Variants in INO80 observed in about 807,000 individuals in gnomAD.
INO80 encodes the protein INO80 complex ATPase subunit.
A neutral mutation model predicts 203.4 loss-of-function variants in INO80; 20 were observed. That is an observed-to-expected ratio of 0.10 (90% confidence interval 0.07 to 0.14). The LOEUF is 0.14. Ranked by LOEUF, INO80 falls within the 10% of genes least tolerant of loss-of-function variation. The pLI is 1.00. For missense variants in INO80, 1,419 were observed against 1,914.4 expected (o/e 0.74, Z 4.83); for synonymous variants, 726 against 685.2 (o/e 1.06, Z -0.93).
intron 1 of INO80, among the ~76,000 whole-genome samples, chr15:41,100,632 G>C (rs867094850): frequency 1.1e-4 from 17 of 152,252 alleles, no homozygotes; most frequent in Middle Eastern, 3.4e-3. Context: ...AAAAGGTGCT[G>C]TAAGCACAAA....
At chr15:41,099,266 A>AAG (rs1412468777) in intron 1 of INO80, among the ~76,000 whole-genome samples, 2 of 122,026 alleles carry the variant, frequency 1.6e-5, no homozygotes, top group Non-Finnish European at 3.5e-5. Context: ...AAAAAAAAAA[A>AAG]ACAAACACAC....
chr15:41,082,873 G>C (rs578063681), intron 7 of INO80, among the ~76,000 whole-genome samples: 1 of 151,980 alleles, frequency 6.6e-6, no homozygotes, highest in East Asian at 1.9e-4. Flanking sequence ...AACAGAACAA[G>C]ACCCTATCTC....
intron 5 of INO80, among the ~76,000 whole-genome samples, chr15:41,090,873 A>T (rs991723976): frequency 6.6e-6 from 1 of 151,408 alleles, no homozygotes; most frequent in Admixed American, 6.6e-5. Flanking sequence ...AGTCTAGTAC[A>T]TCCGAAGTAT....
intron 1 of INO80, among the ~76,000 whole-genome samples, chr15:41,100,826 TTTTC>T (rs1332551986): frequency 2.0e-5 from 3 of 151,538 alleles, no homozygotes; most frequent in African/African-American, 7.3e-5. Context: ...ATTCACAATT[TTTTC>T]TTTTTTTTTT....
At chr15:41,057,452 C>G (rs2045006918) in intron 16 of INO80, among the ~76,000 whole-genome samples, 4 of 135,974 alleles carry the variant, frequency 2.9e-5, no homozygotes, top group Admixed American at 2.3e-4. Flanking sequence ...AAGACCCTAT[C>G]CCCTGTCTCA....
At position 40,987,879 on chromosome 15, in the gene INO80, G is replaced by A; in HGVS notation, c.3666C>T (p.Tyr1222=). The change falls in exon 30 of 36, where the codon TAC becomes TAT. Residue 1222 remains tyrosine (Y), a synonymous_variant. Coordinates refer to ENST00000648947, the MANE Select transcript of INO80 (RefSeq NM_017553.3). ...CAATGGTGCCTTTACAGATGAGCCG[G>A]TACACAGTAACCTGCTTTGTCTGCC... is the stretch of plus-strand genomic sequence containing the variant. The part of the protein sequence containing the change: ...RLGQTKQVTV[Y]RLICKGTIEE... 3 of 1,614,098 alleles carry A rather than the reference G, an allele frequency of 1.9e-6. No homozygotes were observed. Among genetic ancestry groups the A allele is most frequent in the Non-Finnish European group, 2.5e-6 (3 of 1,179,980 alleles).
chr15:41,008,104 G>T (rs893154900), intron 27 of INO80, among the ~76,000 whole-genome samples: 3 of 152,176 alleles, frequency 2.0e-5, no homozygotes, highest in Non-Finnish European at 4.4e-5. Context: ...AGCCCAGGGA[G>T]TTTGAGGCTG....
chr15:41,040,113 G>A (rs1318543277), intron 24 of INO80, among the ~76,000 whole-genome samples: 3 of 152,084 alleles, frequency 2.0e-5, no homozygotes, highest in African/African-American at 7.2e-5. Context: ...GGAGACCAAG[G>A]TGGGAGAACT....
intron 27 of INO80, among the ~76,000 whole-genome samples, chr15:41,012,560 T>C (rs556770049): frequency 0.077 from 398 of 5,182 alleles, 3 homozygotes; most frequent in South Asian, 0.41. Flanking sequence ...GAGACTCTTT[T>C]TAAAAAAAAA....
chr15:41,028,718 T>C (rs1006929168), intron 24 of INO80, among the ~76,000 whole-genome samples: 8 of 152,240 alleles, frequency 5.3e-5, no homozygotes, highest in African/African-American at 1.7e-4. Flanking sequence ...TTAGCCAGCA[T>C]GGTGGCGGAT....
At chr15:40,994,530 A>C (rs2043855120) in intron 29 of INO80, among the ~76,000 whole-genome samples, 1 of 151,310 alleles carries the variant, frequency 6.6e-6, no homozygotes, top group Non-Finnish European at 1.5e-5. Context: ...AGCTCAGCTA[A>C]ATTTTTTTGT....
At chr15:41,067,791 A>G (rs1272688150) in intron 14 of INO80, among the ~76,000 whole-genome samples, 2 of 152,220 alleles carry the variant, frequency 1.3e-5, no homozygotes, top group Non-Finnish European at 2.9e-5. Context: ...TCATGTCAAC[A>G]TATTTTGATA....
At chr15:41,056,842 T>G (rs763476742) in intron 16 of INO80, 136 bp from the exon 17 acceptor site, 1 of 654,900 alleles carries the variant, frequency 1.5e-6, no homozygotes, top group Non-Finnish European at 2.7e-6. Flanking sequence ...TGTATTCAAC[T>G]GAAAAACATT....
intron 1 of INO80, among the ~76,000 whole-genome samples, chr15:41,102,626 TGCACAC>T (rs2045825935): frequency 1.3e-5 from 2 of 151,830 alleles, no homozygotes; most frequent in African/African-American, 2.4e-5. Context: ...GCCAGTATCG[TGCACAC>T]TGCACTACAC....
At chr15:41,090,924 T>TA (rs2045630760) in intron 5 of INO80, among the ~76,000 whole-genome samples, 1 of 144,488 alleles carries the variant, frequency 6.9e-6, no homozygotes, top group Admixed American at 6.7e-5. Flanking sequence ...TTTTAGAAAT[T>TA]CTTTTTTTTT....
At chr15:41,107,983 C>T (rs1015548983) in intron 1 of INO80, among the ~76,000 whole-genome samples, 1 of 151,940 alleles carries the variant, frequency 6.6e-6, no homozygotes, top group Non-Finnish European at 1.5e-5. Flanking sequence ...GCCTGTAATC[C>T]CAGCTACTAG....
intron 6 of INO80, among the ~76,000 whole-genome samples, chr15:41,087,057 G>A (rs1245171334): frequency 1.3e-5 from 2 of 151,922 alleles, no homozygotes; most frequent in Admixed American, 6.6e-5. Context: ...TATGAATTAA[G>A]GTTAATAATA....
chr15:40,987,027 C>G (rs1292596426), intron 31 of INO80, 64 bp downstream of exon 31: 2 of 933,212 alleles, frequency 2.1e-6, no homozygotes, highest in Non-Finnish European at 3.4e-6. Context: ...CCTTGGCACA[C>G]AGCCAAGTAC....
intron 22 of INO80, 84 bp downstream of exon 22, chr15:41,048,128 G>T: frequency 2.0e-6 from 2 of 1,025,372 alleles, no homozygotes; most frequent in Non-Finnish European, 3.0e-6. Flanking sequence ...ACTAATACTC[G>T]TTCTAAATCA....
Sources: gnomAD v4.1 joint callset for allele counts (sites outside exome capture counted in the v4.1 genomes callset) on GRCh38, gnomAD v4.1.1 for gene constraint, MANE v1.5 for transcripts, NCBI Gene and HGNC (gene_info 2026-07-23, HGNC 2026-07-21) for gene names.